MDM2: variants seen among roughly 807,000 people sequenced by gnomAD.
MDM2 encodes MDM2 proto-oncogene.
Under a neutral mutation model 64.3 loss-of-function variants are expected in MDM2, and 11 were observed. That is an observed-to-expected ratio of 0.17 (90% confidence interval 0.11 to 0.28). The LOEUF is 0.28. MDM2 is among the 10% of genes least tolerant of loss of function. The probability of loss-of-function intolerance (pLI) is 1.00; values close to 1 mark genes in which losing one functional copy is unlikely to be tolerated. For missense variants in MDM2, 388 were observed against 577.1 expected (o/e 0.67, Z 3.36); for synonymous variants, 194 against 192.9 (o/e 1.01, Z -0.05).
At chr12:68,813,834 A>G (rs1881123562) in intron 3 of MDM2, among the ~76,000 whole-genome samples, 1 of 152,236 alleles carries the variant, frequency 6.6e-6, no homozygotes, top group Admixed American at 6.5e-5. Flanking sequence ...ACTCAGATAA[A>G]TGGAAGCCCC....
intron 2 of MDM2, among the ~76,000 whole-genome samples, chr12:68,810,320 AAAAG>A (rs954969211): frequency 6.6e-6 from 1 of 151,234 alleles, no homozygotes; most frequent in African/African-American, 2.5e-5. Context: ...AAAAAAAAAA[AAAAG>A]AAAAGAAAAA....
chr12:68,833,575 G>C (rs1883077498), intron 8 of MDM2, among the ~76,000 whole-genome samples: 1 of 150,934 alleles, frequency 6.6e-6, no homozygotes, highest in Non-Finnish European at 1.5e-5. Context: ...TAGTATCCTA[G>C]GACAGGAGTT....
intron 3 of MDM2, chr12:68,814,619 C>A: frequency 2.4e-6 from 1 of 410,168 alleles, no homozygotes. Flanking sequence ...TTGGGCATCC[C>A]TGGATCCCAG....
At chr12:68,810,618 C>T (rs991341444) in intron 2 of MDM2, among the ~76,000 whole-genome samples, 4 of 151,912 alleles carry the variant, frequency 2.6e-5, no homozygotes, top group African/African-American at 7.3e-5. Flanking sequence ...CCCACCACCA[C>T]GCCCGGCTAA....
At chr12:68,817,834 A>G (rs886544653) in intron 4 of MDM2, among the ~76,000 whole-genome samples, 3 of 152,024 alleles carry the variant, frequency 2.0e-5, no homozygotes, top group East Asian at 1.9e-4. Context: ...GTCTTGCTCT[A>G]TGGCCCAGGC....
intron 10 of MDM2, among the ~76,000 whole-genome samples, chr12:68,837,913 A>G (rs909308358): frequency 2.6e-5 from 4 of 152,206 alleles, no homozygotes; most frequent in Admixed American, 2.6e-4. Flanking sequence ...ATGAAAATTC[A>G]AGAGTTTCCA....
rs1437468679 is a variant in MDM2 at position 68,844,800 on chromosome 12, T to C, written c.*4951T>C. ...TTTATTTTTTGAGACGGAGTCTTGC[T>C]CTGTGGCTCAGGCTGGAGTACAGTG... On this transcript the variant is annotated 3_prime_UTR_variant, in exon 11 of 11. Transcript: ENST00000258149. 5 of 201,230 alleles carry C rather than the reference T, an allele frequency of 2.5e-5. No homozygotes were observed. The highest frequency in any genetic ancestry group is 4.6e-5 in the African/African-American group (2 of 43,490). The allele number at this position is 201,230 out of a possible 1,614,324, so 12.5% of individuals were successfully genotyped here.
Position 68,839,967 on chromosome 12 carries a change from T to C in MDM2, c.*118T>C, listed in dbSNP as rs1203607891. ...AAATGCCTCAATTCACATAGATTTC[T>C]TCTCTTTAGTATAATTGACCTACTT... is the stretch of plus-strand genomic sequence containing the variant. On this transcript the variant is annotated 3_prime_UTR_variant, in exon 11 of 11. Transcript: ENST00000258149. 5 of 916,878 alleles carry C rather than the reference T, an allele frequency of 5.5e-6. No individual in the cohort carries two copies. Among genetic ancestry groups the C allele is most frequent in the Non-Finnish European group, 8.0e-6 (5 of 622,202 alleles). The allele number at this position is 916,878 out of a possible 1,614,324, so 56.8% of individuals were successfully genotyped here.
Position 68,841,766 on chromosome 12 carries a change from A to G in MDM2, c.*1917A>G, listed in dbSNP as rs1264811411. Reference sequence around the variant, plus strand: ...TGATAAACAGAATTGTTATTTAAAAACTAACTGGAAAGATTGTTAAGTTCT... The same window carrying G: ...TGATAAACAGAATTGTTATTTAAAAGCTAACTGGAAAGATTGTTAAGTTCT... On this transcript the variant is annotated 3_prime_UTR_variant, in exon 11 of 11. Transcript: ENST00000258149. 4.9e-6 allele frequency: 1 copy of G among 205,118 alleles called. No homozygotes were observed. The highest frequency in any genetic ancestry group is 1.0e-5 in the Non-Finnish European group (1 of 100,416). The allele number at this position is 205,118 out of a possible 1,614,324, so 12.7% of individuals were successfully genotyped here.
At chr12:68,825,961 A>G (rs574856994) in intron 7 of MDM2, among the ~76,000 whole-genome samples, 1 of 152,366 alleles carries the variant, frequency 6.6e-6, no homozygotes, top group Non-Finnish European at 1.5e-5. Flanking sequence ...AATGAGTTTA[A>G]AAGTTAAATG....
At position 68,821,137 on chromosome 12, in the gene MDM2, TC is replaced by T. The variant is rs1390904943; in HGVS notation, c.358+766del. On this transcript the variant is annotated intron_variant, in intron 5 of 10. Coordinates refer to ENST00000258149, the MANE Select transcript of MDM2 (RefSeq NM_002392.6). ...ATTTCGACTCACTGCAACCTCCGCC[TC>T]CCAGGTTCAAGCAATTCTTCTGCCT... Among the ~76,000 whole-genome samples, 23 of 140,926 alleles carry T rather than the reference TC, an allele frequency of 1.6e-4. No homozygotes were observed. The Admixed American group carries it at 1.8e-3, about 11-fold the overall frequency. 92.5% of individuals were successfully genotyped at this position (140,926 alleles called of 152,430 possible).
At chr12:68,832,355 C>T (rs1376107804) in intron 8 of MDM2, among the ~76,000 whole-genome samples, 1 of 152,074 alleles carries the variant, frequency 6.6e-6, no homozygotes, top group East Asian at 1.9e-4. Flanking sequence ...TCTTTGCAGC[C>T]TCAGATTCCA....
chr12:68,837,230 A>C (rs1334775361), intron 10 of MDM2, among the ~76,000 whole-genome samples: 1 of 152,146 alleles, frequency 6.6e-6, no homozygotes, highest in Non-Finnish European at 1.5e-5. Context: ...CTGGGATTAC[A>C]AGCATGAGTC....
intron 3 of MDM2, chr12:68,814,512 A>G (rs1373732044): frequency 3.2e-5 from 9 of 277,096 alleles, no homozygotes; most frequent in Non-Finnish European, 6.5e-5. Flanking sequence ...AATCGAAGGA[A>G]AAGCTAAATT....
chr12:68,835,755 G>A (rs1472843525), intron 8 of MDM2, 74 bp from the exon 9 acceptor site: 1 of 1,414,584 alleles, frequency 7.1e-7, no homozygotes, highest in Non-Finnish European at 9.6e-7. Flanking sequence ...CAGAGGCACA[G>A]GGATGAGTTA....
At position 68,825,134 on chromosome 12, in the gene MDM2, G is replaced by A. The variant is rs375735309; in HGVS notation, c.523+483G>A. Among the ~76,000 whole-genome samples the A allele has an allele frequency of 5.9e-5, 9 of 152,278 alleles. No homozygotes were observed. The South Asian group carries it at 1.2e-3, about 21-fold the overall frequency. On this transcript the variant is annotated intron_variant, in intron 7 of 10. Coordinates refer to ENST00000258149, the MANE Select transcript of MDM2 (RefSeq NM_002392.6). ...TGAGGAAGGAGAATCACTTCAACCCGGGAGGTAGAAGTTACAGTGAGCCGA... is the reference window on the plus strand; with the variant it reads ...TGAGGAAGGAGAATCACTTCAACCCAGGAGGTAGAAGTTACAGTGAGCCGA...
chr12:68,833,318 A>ATTATATAAATATATATGT (rs1421505837), intron 8 of MDM2, among the ~76,000 whole-genome samples: 1 of 96,046 alleles, frequency 1.0e-5, no homozygotes, highest in African/African-American at 3.8e-5. Context: ...TAAAAATATA[A>ATTATATAAATATATATGT]TTATATAAAT....
chr12:68,844,155 G>T lies in MDM2; in HGVS notation c.*4306G>T, dbSNP rs374304367. ...ATTTCTTAGGTTCTTTATAGTACACGTGTTGAAAATAAATGATTAAGAATT... is the reference window on the plus strand; with the variant it reads ...ATTTCTTAGGTTCTTTATAGTACACTTGTTGAAAATAAATGATTAAGAATT... On this transcript the variant is annotated 3_prime_UTR_variant, in exon 11 of 11. Coordinates refer to ENST00000258149, the MANE Select transcript of MDM2 (RefSeq NM_002392.6). 22 of 207,032 alleles carry T rather than the reference G, an allele frequency of 1.1e-4. No individual in the cohort carries two copies. The highest frequency in any genetic ancestry group is 9.7e-4 in the East Asian group (13 of 13,466). The allele number at this position is 207,032 out of a possible 1,614,324, so 12.8% of individuals were successfully genotyped here.
chr12:68,835,673 C>G (rs948489484), intron 8 of MDM2, among the ~76,000 whole-genome samples, 156 bp from the exon 9 acceptor site: 1 of 152,226 alleles, frequency 6.6e-6, no homozygotes, highest in East Asian at 1.9e-4. Context: ...TTCTGCCCGC[C>G]GATCTCCCTC....
Sources: allele counts gnomAD v4.1 joint callset (sites outside exome capture counted in the v4.1 genomes callset), GRCh38; gene constraint gnomAD v4.1.1; transcripts MANE v1.5; gene names NCBI Gene and HGNC (gene_info 2026-07-23, HGNC 2026-07-21).